The following SMIM7 variants were observed in gnomAD, a reference collection of about 807,000 sequenced individuals.
The protein encoded by SMIM7 is UPF0608 protein C19orf42.
In SMIM7, 12 loss-of-function variants were observed where a neutral mutation model predicts 13.3. The observed-to-expected ratio is 0.90, with a 90% CI of 0.58 to 1.46. The LOEUF (loss-of-function observed/expected upper bound fraction) is 1.46. SMIM7 is among the 40% of genes most tolerant of loss of function. The pLI, the probability that SMIM7 is intolerant of heterozygous loss-of-function variation, is 0.00. For missense variants in SMIM7, 114 were observed against 94.8 expected (o/e 1.20, Z -0.84); for synonymous variants, 36 against 35.8 (o/e 1.01, Z -0.02).
intron 4 of SMIM7, chr19:16,640,138 G>C (rs2086394762): frequency 6.6e-6 from 1 of 152,056 alleles, no homozygotes; most frequent in Non-Finnish European, 1.5e-5. Context: ...TTTAGCAGCA[G>C]CACGATCTCT....
intron 4 of SMIM7, among the ~76,000 whole-genome samples, chr19:16,653,457 C>A (rs374079210): frequency 6.6e-6 from 1 of 152,004 alleles, no homozygotes; most frequent in East Asian, 1.9e-4. Context: ...GTGGTGGGCA[C>A]CTGTAATCCC....
chr19:16,660,082 T>C lies in SMIM7; in HGVS notation c.26+3A>G. 1 of 1,614,176 alleles carries C rather than the reference T, an allele frequency of 6.2e-7. No homozygotes were observed. The highest frequency in any genetic ancestry group is 8.5e-7 in the Non-Finnish European group (1 of 1,180,044). On this transcript the variant is annotated splice_donor_region_variant and intron_variant, in intron 1 of 4. Transcript: ENST00000487416. ...CTTCCCAGCCTCTGGTCCCCCTAAT[T>C]ACCCGAACAGCAGGATGTCTCCGAT...
chr19:16,651,397 G>A (rs1237505213), intron 4 of SMIM7, among the ~76,000 whole-genome samples: 1 of 152,186 alleles, frequency 6.6e-6, no homozygotes, highest in Admixed American at 6.5e-5. Flanking sequence ...GATGACCCTT[G>A]ACCTAAGTGG....
intron 4 of SMIM7, chr19:16,653,087 G>A: frequency 8.9e-7 from 1 of 1,126,902 alleles, no homozygotes; most frequent in Non-Finnish European, 1.2e-6. Context: ...TTCCACCTCG[G>A]CAGATGCAGA....
intron 4 of SMIM7, among the ~76,000 whole-genome samples, chr19:16,648,719 C>T (rs145364062): frequency 3.0e-4 from 45 of 152,242 alleles, no homozygotes; most frequent in Admixed American, 1.2e-3. Context: ...TCAAAACCTT[C>T]GAACTGGCTG....
chr19:16,642,743 C>T (rs2086412747), downstream of SMIM7, among the ~76,000 whole-genome samples: 2 of 151,712 alleles, frequency 1.3e-5, no homozygotes, highest in African/African-American at 4.8e-5. Context: ...ACTTGGGAGA[C>T]TGAGGTGGGA....
At chr19:16,659,852 G>T in intron 2 of SMIM7, 107 bp downstream of exon 2, 1 of 1,440,410 alleles carries the variant, frequency 6.9e-7, no homozygotes, top group Non-Finnish European at 9.4e-7. Context: ...ATAGGGCGGG[G>T]CCTGCGGCTT....
At chr19:16,647,601 G>A (rs137943709) in intron 4 of SMIM7, among the ~76,000 whole-genome samples, 60 of 150,224 alleles carry the variant, frequency 4.0e-4, no homozygotes, top group African/African-American at 1.3e-3. Flanking sequence ...AATTACAGGC[G>A]CCTGCCACCA....
chr19:16,652,981 C>T (rs923913719), intron 4 of SMIM7: 110 of 1,549,484 alleles, frequency 7.1e-5, no homozygotes, highest in Non-Finnish European at 9.2e-5. Flanking sequence ...AAATGAAAAG[C>T]CAGAATTTAA....
intron 4 of SMIM7, chr19:16,636,592 TTTTG>T (rs2086362940): frequency 6.6e-6 from 1 of 152,272 alleles, no homozygotes; most frequent in South Asian, 2.1e-4. Context: ...ACTAAATTTG[TTTTG>T]TTTGACACCA....
Position 16,659,884 on chromosome 19 carries a change from C to A in SMIM7, c.68+75G>T, listed in dbSNP as rs561514818. 44 of 1,532,882 alleles carry A rather than the reference C, an allele frequency of 2.9e-5. No individual in the cohort carries two copies. In the African/African-American group the frequency reaches 5.3e-4, roughly 19 times the overall value. 95.0% of individuals were successfully genotyped at this position (1,532,882 alleles called of 1,614,324 possible). A position where few individuals can be genotyped will look rare whatever the true frequency, so the allele number is the denominator to read the frequency against. ...GCTTGGGGGCGGGGCCTGAGAAGTG[C>A]GCCGAGATCACGCTTATGAGGGCGG... On this transcript the variant is annotated intron_variant, in intron 2 of 4. Coordinates refer to ENST00000487416, the MANE Select transcript of SMIM7 (RefSeq NM_024104.4).
At chr19:16,657,525 C>CT (rs2122552586) in intron 3 of SMIM7, among the ~76,000 whole-genome samples, 1 of 152,308 alleles carries the variant, frequency 6.6e-6, no homozygotes, top group East Asian at 1.9e-4. Context: ...GTCAGAAAAA[C>CT]CCAGGTTCTA....
In SMIM7 at chr19:16,653,946, T is replaced by C. The variant is rs1241415699; in HGVS notation, c.212+89A>G. ...GAAACCAGGATACAAGAGTGATGAC[T>C]GAAAAGACAGAGAATGACCATCAGG... On this transcript the variant is annotated intron_variant, in intron 4 of 4. Coordinates refer to ENST00000487416, the MANE Select transcript of SMIM7 (RefSeq NM_024104.4). The C allele has an allele frequency of 4.9e-6, 5 of 1,013,078 alleles. No individual in the cohort carries two copies. The East Asian group carries it at 9.7e-5, about 20-fold the overall frequency. 62.8% of individuals were successfully genotyped at this position (1,013,078 alleles called of 1,614,324 possible).
At chr19:16,659,515 C>A in intron 2 of SMIM7, 68 bp from the exon 3 acceptor site, 1 of 1,494,718 alleles carries the variant, frequency 6.7e-7, no homozygotes. Flanking sequence ...TGACCCCCAG[C>A]TCAGAAGGCC....
intron 4 of SMIM7, chr19:16,636,425 A>G (rs1034246335): frequency 1.3e-5 from 2 of 152,004 alleles, no homozygotes; most frequent in African/African-American, 2.4e-5. Context: ...GCTGGAGTAC[A>G]GTGGTATGAC....
intron 4 of SMIM7, among the ~76,000 whole-genome samples, chr19:16,649,429 T>C (rs1189128686): frequency 6.6e-6 from 1 of 151,808 alleles, no homozygotes; most frequent in Non-Finnish European, 1.5e-5. Context: ...TACAAAAAAT[T>C]AGGCATGGTG....
At chr19:16,659,900 A>C (rs929649140) in intron 2 of SMIM7, 59 bp downstream of exon 2, 29 of 1,560,460 alleles carry the variant, frequency 1.9e-5, no homozygotes, top group Non-Finnish European at 2.3e-5. Flanking sequence ...GATCACGCTT[A>C]TGAGGGCGGG....
At chr19:16,652,290 C>T (rs904924097) in intron 4 of SMIM7, 2 of 153,032 alleles carry the variant, frequency 1.3e-5, no homozygotes, top group African/African-American at 4.8e-5. Flanking sequence ...CAACCTCTGC[C>T]TCCAGGGCTC....
exon 5 of SMIM7, chr19:16,631,385 C>T (rs1213018843): frequency 6.6e-6 from 1 of 151,842 alleles, no homozygotes; most frequent in Non-Finnish European, 1.5e-5. Context: ...GACTCCATCA[C>T]AAATATAAAA....
Sources: allele counts gnomAD v4.1 joint callset (sites outside exome capture counted in the v4.1 genomes callset), GRCh38; gene constraint gnomAD v4.1.1; transcripts MANE v1.5; gene names NCBI Gene and HGNC (gene_info 2026-07-23, HGNC 2026-07-21).